The following STRA8 variants were observed in gnomAD, a reference collection of about 807,000 sequenced individuals.
The protein encoded by STRA8 is stimulated by retinoic acid 8, also known as stimulated by retinoic acid gene 8 protein homolog.
In STRA8, 18 loss-of-function variants were observed where a neutral mutation model predicts 37.1. The observed-to-expected ratio is 0.48, with a 90% confidence interval of 0.34 to 0.72. STRA8 has a LOEUF of 0.72. STRA8 is among the 30% of genes least tolerant of loss of function. STRA8 has a pLI of 0.01. For synonymous variants in STRA8, 168 were observed against 162.9 expected (o/e 1.03, Z -0.24); for missense variants, 357 against 410.4 (o/e 0.87, Z 1.13).
chr7:135,254,313 G>T (rs1245280894), intron 7 of STRA8, among the ~76,000 whole-genome samples: 1 of 152,206 alleles, frequency 6.6e-6, no homozygotes, highest in Non-Finnish European at 1.5e-5. Flanking sequence ...AAAGTCAGGG[G>T]TTGCTGCCAG....
intron 8 of STRA8, among the ~76,000 whole-genome samples, chr7:135,257,002 C>T (rs1832711822): frequency 6.6e-6 from 1 of 152,198 alleles, no homozygotes; most frequent in Non-Finnish European, 1.5e-5. Context: ...CAACCTCTGC[C>T]ACTGTCTTCC....
intron 6 of STRA8, among the ~76,000 whole-genome samples, chr7:135,251,245 C>T (rs1048476991): frequency 6.6e-6 from 1 of 152,216 alleles, no homozygotes; most frequent in Non-Finnish European, 1.5e-5. Context: ...TGAGTAGACA[C>T]TAATGTGATT....
chr7:135,246,997 A>C lies in STRA8; in HGVS notation c.879+295A>C. 3.0e-6 allele frequency: 1 copy of C among 333,172 alleles called. No individual in the cohort carries two copies. Among genetic ancestry groups the C allele is most frequent in the South Asian group, 5.3e-5 (1 of 19,034 alleles). 20.6% of individuals were successfully genotyped at this position (333,172 alleles called of 1,614,324 possible). ...ATAGCTGGGACTACAGGCGCCCGCCACCACGCCCGGCTAATTTTTTTGTAT... is the reference window on the plus strand; with the variant it reads ...ATAGCTGGGACTACAGGCGCCCGCCCCCACGCCCGGCTAATTTTTTTGTAT... On this transcript the variant is annotated intron_variant, in intron 6 of 8. Transcript: ENST00000662584. The surrounding 1 kb of genome is among the most constrained non-coding windows in gnomAD (Gnocchi z 5.4).
chr7:135,243,200 C>T, intron 3 of STRA8, 126 bp from the exon 4 acceptor site: 1 of 857,020 alleles, frequency 1.2e-6, no homozygotes, highest in South Asian at 1.8e-5. Flanking sequence ...GGACCCTGGT[C>T]TCCCTAATGC....
At chr7:135,238,398 CT>C (rs1244428542) in intron 1 of STRA8, among the ~76,000 whole-genome samples, 3 of 152,186 alleles carry the variant, frequency 2.0e-5, no homozygotes, top group Admixed American at 2.0e-4. Flanking sequence ...GGACTGCACT[CT>C]TGTCCAGGGC....
At chr7:135,239,939 C>T (rs1219232971) in intron 1 of STRA8, among the ~76,000 whole-genome samples, 1 of 152,046 alleles carries the variant, frequency 6.6e-6, no homozygotes, top group Non-Finnish European at 1.5e-5. Flanking sequence ...CTAAAGTGTA[C>T]CCCTTGAGGG....
intron 3 of STRA8, 83 bp from the exon 4 acceptor site, chr7:135,243,243 C>A: frequency 1.4e-6 from 2 of 1,463,276 alleles, no homozygotes; most frequent in East Asian, 2.3e-5. Context: ...CCACCCACAG[C>A]CCACCTGGGC....
chr7:135,232,381 G>A (rs1253675676), upstream of STRA8, among the ~76,000 whole-genome samples: 1 of 151,902 alleles, frequency 6.6e-6, no homozygotes, highest in Non-Finnish European at 1.5e-5. Context: ...GCGACCCTAG[G>A]TCAAGGGCTG....
intron 1 of STRA8, among the ~76,000 whole-genome samples, chr7:135,240,271 C>A (rs1832441624): frequency 6.6e-6 from 1 of 152,160 alleles, no homozygotes; most frequent in Non-Finnish European, 1.5e-5. Context: ...TGTGTTGACC[C>A]TGTATAATCT....
intron 6 of STRA8, among the ~76,000 whole-genome samples, chr7:135,248,237 C>G (rs1585476836): frequency 6.6e-6 from 1 of 152,360 alleles, no homozygotes; most frequent in Non-Finnish European, 1.5e-5. Flanking sequence ...AGTTTGCAGG[C>G]CTAACCAGCA....
intron 3 of STRA8, 93 bp from the exon 4 acceptor site, chr7:135,243,233 C>T: frequency 7.4e-7 from 1 of 1,355,344 alleles, no homozygotes. Flanking sequence ...GTTCAGGGTC[C>T]CACCCACAGC....
chr7:135,242,048 GAA>G (rs1255509348), intron 2 of STRA8, among the ~76,000 whole-genome samples: 55 of 4,668 alleles, frequency 0.012, no homozygotes, highest in African/African-American at 0.021. Flanking sequence ...AAGAAGGAAG[GAA>G]GAGAAGAGGA....
At chr7:135,240,856 G>A in intron 2 of STRA8, 140 bp downstream of exon 2, 1 of 901,580 alleles carries the variant, frequency 1.1e-6, no homozygotes, top group Non-Finnish European at 1.7e-6. Context: ...CCTAGACAGG[G>A]TAATTTATAA....
At chr7:135,253,771 G>C (rs954988218) in intron 7 of STRA8, among the ~76,000 whole-genome samples, 1 of 152,208 alleles carries the variant, frequency 6.6e-6, no homozygotes, top group African/African-American at 2.4e-5. Context: ...GAAGGCACAG[G>C]TTCTTCAGAT....
upstream of STRA8, among the ~76,000 whole-genome samples, chr7:135,233,266 C>A (rs527942090): frequency 6.6e-6 from 1 of 152,234 alleles, no homozygotes; most frequent in Non-Finnish European, 1.5e-5. Context: ...TTCTCTCCAC[C>A]CCATTTTCTC....
chr7:135,234,877 T>G (rs1397813540), intron 1 of STRA8, among the ~76,000 whole-genome samples: 1 of 152,200 alleles, frequency 6.6e-6, no homozygotes, highest in Non-Finnish European at 1.5e-5. Flanking sequence ...TGGTTTTCTT[T>G]GTTCACTTGT....
rs753443592 is a variant in STRA8, at chr7:135,242,871, C to T, written c.268+15C>T. On this transcript the variant is annotated intron_variant, in intron 3 of 8. Transcript: ENST00000662584. The stretch of plus-strand genomic sequence containing the variant: ...GAAGCTGAAAGGTAATGGAGCACTA[C>T]TTGCCAACCCCATCTCCCTCCCTGG... 5 of 1,613,574 alleles carry T rather than the reference C, an allele frequency of 3.1e-6. No homozygotes were observed. The highest frequency in any genetic ancestry group is 4.2e-6 in the Non-Finnish European group (5 of 1,179,494).
intron 7 of STRA8, among the ~76,000 whole-genome samples, chr7:135,254,838 A>T (rs1832682621): frequency 6.6e-6 from 1 of 152,198 alleles, no homozygotes; most frequent in Non-Finnish European, 1.5e-5. Flanking sequence ...ATTGAGGGAT[A>T]GAGGAACTCT....
intron 7 of STRA8, among the ~76,000 whole-genome samples, chr7:135,254,237 C>A (rs914844195): frequency 2.0e-5 from 3 of 152,054 alleles, no homozygotes; most frequent in Non-Finnish European, 4.4e-5. Flanking sequence ...AGGCAATATT[C>A]AGAACTCCCT....
Sources: allele counts gnomAD v4.1 joint callset (sites outside exome capture counted in the v4.1 genomes callset), GRCh38; gene constraint gnomAD v4.1.1; non-coding constraint Gnocchi (gnomAD v3.1); transcripts MANE v1.5; gene names NCBI Gene and HGNC (gene_info 2026-07-23, HGNC 2026-07-21).